The following CDH18 variants were observed in gnomAD, a reference collection of about 807,000 sequenced individuals.
CDH18 encodes the protein cadherin-18.
CDH18 carries 31 observed loss-of-function variants against 67.9 expected under a neutral mutation model. That is an observed-to-expected ratio of 0.46 (90% CI 0.34 to 0.62). The LOEUF (loss-of-function observed/expected upper bound fraction) is 0.62. Ranked by LOEUF, CDH18 falls within the 20% of genes least tolerant of loss-of-function variation. The pLI is 0.01. For synonymous variants in CDH18, 362 were observed against 347.2 expected (o/e 1.04, Z -0.48); for missense variants, 890 against 975.5 (o/e 0.91, Z 1.17).
intron 2 of CDH18, among the ~76,000 whole-genome samples, chr5:19,845,873 C>T (rs190957884): frequency 1.7e-4 from 25 of 148,162 alleles, no homozygotes; most frequent in Admixed American, 7.4e-4. Context: ...TATGTATTAT[C>T]CTTTCTCTCT....
At chr5:19,961,227 C>T (rs1355818116) in intron 2 of CDH18, among the ~76,000 whole-genome samples, 5 of 151,404 alleles carry the variant, frequency 3.3e-5, no homozygotes, top group African/African-American at 9.7e-5. Context: ...CTCAGCCTCC[C>T]GAGTAGCTGG....
intron 5 of CDH18, among the ~76,000 whole-genome samples, chr5:19,706,712 C>A (rs1433991924): frequency 1.3e-5 from 2 of 152,152 alleles, no homozygotes; most frequent in African/African-American, 4.8e-5. Context: ...GCTATACTAG[C>A]CAAATTCCAG....
At chr5:19,522,805 G>A (rs1360491545) in intron 9 of CDH18, among the ~76,000 whole-genome samples, 1 of 148,712 alleles carries the variant, frequency 6.7e-6, no homozygotes, top group Non-Finnish European at 1.5e-5. Flanking sequence ...TGAGGCAGGA[G>A]AATCACTTGA....
chr5:19,894,680 C>T (rs1789119472), intron 2 of CDH18, among the ~76,000 whole-genome samples: 1 of 152,084 alleles, frequency 6.6e-6, no homozygotes, highest in Non-Finnish European at 1.5e-5. Flanking sequence ...GGTTGTCATA[C>T]AGCATTTTAC....
At chr5:19,592,840 C>T (rs1745388959) in intron 6 of CDH18, among the ~76,000 whole-genome samples, 1 of 151,950 alleles carries the variant, frequency 6.6e-6, no homozygotes, top group South Asian at 2.1e-4. Flanking sequence ...CTTCCCTAGT[C>T]CCTGGTAACA....
intron 1 of CDH18, among the ~76,000 whole-genome samples, chr5:20,384,713 A>G (rs1158031970): frequency 6.6e-6 from 1 of 152,240 alleles, no homozygotes; most frequent in African/African-American, 2.4e-5. Context: ...AACAGTGCAC[A>G]GAATTCCAAT....
intron 1 of CDH18, among the ~76,000 whole-genome samples, chr5:19,987,777 T>C (rs1799718844): frequency 6.6e-6 from 1 of 152,182 alleles, no homozygotes. Context: ...AGAGTATTCT[T>C]CCAACTTCTT....
rs1455030141 is a variant in CDH18, at chr5:19,526,561, TATGGAC to T, written c.1391-5789_1391-5784del. On this transcript the variant is annotated intron_variant, in intron 9 of 12. Transcript: ENST00000382275. ...ATGCCATTCTTCCAGATTTCCCACT[TATGGAC>T]ATTGAATGGAAAAAATAAATACTAA... is the stretch of plus-strand genomic sequence containing the variant. Among the ~76,000 whole-genome samples, 8 of 152,234 alleles carry T rather than the reference TATGGAC, an allele frequency of 5.3e-5. No homozygotes were observed. In the East Asian group the frequency reaches 1.5e-3, roughly 29 times the overall value.
At chr5:20,220,591 G>A (rs374554008) in intron 2 of CDH18, among the ~76,000 whole-genome samples, 6 of 151,958 alleles carry the variant, frequency 3.9e-5, no homozygotes, top group South Asian at 4.2e-4. Flanking sequence ...AGTACTCCAC[G>A]AGCTCAGTCA....
intron 3 of CDH18, among the ~76,000 whole-genome samples, chr5:19,799,920 A>C (rs1777278098): frequency 6.6e-6 from 1 of 152,176 alleles, no homozygotes; most frequent in African/African-American, 2.4e-5. Context: ...TTTCTGTTCA[A>C]GATGGAAGAT....
intron 1 of CDH18, among the ~76,000 whole-genome samples, chr5:20,453,733 G>A (rs1315086981): frequency 6.6e-6 from 1 of 151,934 alleles, no homozygotes; most frequent in Non-Finnish European, 1.5e-5. Flanking sequence ...TTACCAGCGT[G>A]GAATTAACAG....
At chr5:19,807,969 A>C (rs777698475) in intron 3 of CDH18, among the ~76,000 whole-genome samples, 5 of 152,178 alleles carry the variant, frequency 3.3e-5, no homozygotes, top group Non-Finnish European at 7.3e-5. Flanking sequence ...GTCACTGTGC[A>C]TTTTAAATAA....
chr5:19,508,170 A>G (rs191064486), intron 10 of CDH18, among the ~76,000 whole-genome samples: 76 of 152,210 alleles, frequency 5.0e-4, no homozygotes, highest in African/African-American at 1.8e-3. Flanking sequence ...TGTTTTACAA[A>G]TCACCTTGTC....
At chr5:20,261,576 T>TA (rs1350538177) in intron 1 of CDH18, among the ~76,000 whole-genome samples, 1 of 151,962 alleles carries the variant, frequency 6.6e-6, no homozygotes, top group Non-Finnish European at 1.5e-5. Flanking sequence ...CCATCTCTAC[T>TA]AAAAATACAA....
intron 2 of CDH18, among the ~76,000 whole-genome samples, chr5:19,839,971 G>C (rs1198859855): frequency 6.6e-6 from 1 of 151,978 alleles, no homozygotes; most frequent in African/African-American, 2.4e-5. Context: ...ATTAAAAGAA[G>C]TTGAAGGCCG....
intron 2 of CDH18, among the ~76,000 whole-genome samples, chr5:20,015,597 C>T (rs1210936956): frequency 2.0e-5 from 3 of 152,044 alleles, no homozygotes; most frequent in Non-Finnish European, 4.4e-5. Flanking sequence ...TTTTGTACAC[C>T]TATTTAATTT....
intron 2 of CDH18, among the ~76,000 whole-genome samples, chr5:20,008,748 A>G (rs1448469888): frequency 1.3e-5 from 2 of 152,130 alleles, no homozygotes; most frequent in Non-Finnish European, 2.9e-5. Flanking sequence ...GCTCAAATGT[A>G]CACCAATAAA....
chr5:20,145,132 GAA>G (rs757721249), intron 2 of CDH18, among the ~76,000 whole-genome samples: 1 of 151,478 alleles, frequency 6.6e-6, no homozygotes, highest in East Asian at 1.9e-4. Flanking sequence ...GACAAAACAA[GAA>G]AAAAATCTAG....
chr5:19,666,713 T>C (rs979085922), intron 5 of CDH18, among the ~76,000 whole-genome samples: 15 of 152,104 alleles, frequency 9.9e-5, no homozygotes, highest in African/African-American at 3.6e-4. Context: ...TGGCAAAGTG[T>C]TCTTCATCCA....
Sources: gnomAD v4.1 joint callset for allele counts (sites outside exome capture counted in the v4.1 genomes callset) on GRCh38, gnomAD v4.1.1 for gene constraint, MANE v1.5 for transcripts, NCBI Gene and HGNC (gene_info 2026-07-23, HGNC 2026-07-21) for gene names.